Variants in KALRN observed in about 807,000 individuals in gnomAD.
The protein encoded by KALRN is kalirin.
A neutral mutation model predicts 353.7 loss-of-function variants in KALRN; 70 were observed. The observed-to-expected ratio is 0.20, with a 90% CI of 0.16 to 0.24. KALRN has a LOEUF of 0.24. KALRN is among the 10% of genes least tolerant of loss of function. The pLI, the probability that KALRN is intolerant of heterozygous loss-of-function variation, is 1.00. For missense variants in KALRN, 2,791 were observed against 3,756.7 expected, an observed-to-expected ratio of 0.74 and a Z score of 6.72; for synonymous variants, 1,391 against 1,434.8, an observed-to-expected ratio of 0.97 and a Z score of 0.69.
intron 1 of KALRN, chr3:124,152,197 C>T (rs1390651519): frequency 4.4e-6 from 7 of 1,577,332 alleles, no homozygotes; most frequent in African/African-American, 2.7e-5. Context: ...CAAAGCAATT[C>T]GCTTCTTATT....
At chr3:124,236,584 G>A (rs1030136325) in intron 3 of KALRN, among the ~76,000 whole-genome samples, 1 of 152,124 alleles carries the variant, frequency 6.6e-6, no homozygotes, top group Non-Finnish European at 1.5e-5. Flanking sequence ...TCTTTCCTGC[G>A]TGTTCATCAC....
At chr3:124,263,712 C>T (rs559426408) in intron 3 of KALRN, among the ~76,000 whole-genome samples, 1 of 152,274 alleles carries the variant, frequency 6.6e-6, no homozygotes, top group African/African-American at 2.4e-5. Flanking sequence ...GCAGAATCAA[C>T]ATAGAGCCTT....
At chr3:124,290,748 G>A (rs910737694) in intron 5 of KALRN, among the ~76,000 whole-genome samples, 6 of 152,206 alleles carry the variant, frequency 3.9e-5, no homozygotes, top group Non-Finnish European at 8.8e-5. Flanking sequence ...GGAGGATTAA[G>A]TGAGTTAATA....
intron 5 of KALRN, among the ~76,000 whole-genome samples, chr3:124,286,111 C>CTTTCTT (rs1186201446): frequency 6.8e-6 from 1 of 146,270 alleles, no homozygotes; most frequent in Non-Finnish European, 1.5e-5. Flanking sequence ...TTCTTTCTTT[C>CTTTCTT]TTTCTTTCTT....
In KALRN at chr3:124,055,454, T is replaced by A. The variant is rs2149177370; in HGVS notation, c.73+21641T>A. Reference sequence around the variant, plus strand: ...TTTCTAAGCTCTTACAGCTATTCACTCTATTCTATCTAGTTTGTTTTGAAG... The same window carrying A: ...TTTCTAAGCTCTTACAGCTATTCACACTATTCTATCTAGTTTGTTTTGAAG... On this transcript the variant is annotated intron_variant, in intron 1 of 59. Coordinates refer to ENST00000682506, the MANE Select transcript of KALRN (RefSeq NM_001388419.1). Among the ~76,000 whole-genome samples the A allele has an allele frequency of 2.0e-5, 3 of 152,350 alleles. No individual in the cohort carries two copies. In the Middle Eastern group the frequency reaches 0.01, roughly 518 times the overall value.
At chr3:124,513,420 G>A (rs1225017102) in intron 33 of KALRN, among the ~76,000 whole-genome samples, 1 of 152,064 alleles carries the variant, frequency 6.6e-6, no homozygotes, top group Non-Finnish European at 1.5e-5. Context: ...GGGGACACGG[G>A]GACCCAGGTC....
At position 124,555,804 on chromosome 3, in the gene KALRN, C is replaced by T. The variant is rs373125104; in HGVS notation, c.4936-7039C>T. On this transcript the variant is annotated intron_variant, in intron 33 of 59. Transcript: ENST00000682506. The stretch of plus-strand genomic sequence containing the variant: ...TGTGTGCCAGGCATTGCTCTAAACT[C>T]GGGAGATAGGACCATGAGCAAGACG... 1.7e-4 allele frequency among the ~76,000 whole-genome samples: 26 copies of T among 152,198 alleles called. No homozygotes were observed. The East Asian group carries it at 4.1e-3, about 24-fold the overall frequency.
intron 19 of KALRN, among the ~76,000 whole-genome samples, chr3:124,442,902 G>C (rs1325638777): frequency 6.6e-6 from 1 of 152,040 alleles, no homozygotes. Flanking sequence ...AGGCTCATTT[G>C]AGCCCAAGAG....
At chr3:124,466,404 C>T (rs1487169778) in intron 25 of KALRN, among the ~76,000 whole-genome samples, 1 of 152,120 alleles carries the variant, frequency 6.6e-6, no homozygotes, top group Non-Finnish European at 1.5e-5. Context: ...TAGTAGATCC[C>T]TAGACAGTAA....
At chr3:124,164,106 A>T (rs1248302128) in intron 1 of KALRN, 4 of 364,562 alleles carry the variant, frequency 1.1e-5, no homozygotes. Context: ...GACATCCTTT[A>T]CCTCTGTTTC....
chr3:124,413,376 G>A, intron 13 of KALRN, 94 bp from the exon 14 acceptor site: 4 of 1,003,144 alleles, frequency 4.0e-6, no homozygotes, highest in Non-Finnish European at 4.4e-6. Flanking sequence ...ACTGAGGGGT[G>A]GATTCATGAA....
rs148675941 is a variant in KALRN, at chr3:124,341,306, C to T, written c.1648-5837C>T. Reference sequence around the variant, plus strand: ...GCCTGGGCTCACCTGCGTTGTTATCCCTAGTGATGACATTCCTGAATGGGG... The same window carrying T: ...GCCTGGGCTCACCTGCGTTGTTATCTCTAGTGATGACATTCCTGAATGGGG... On this transcript the variant is annotated intron_variant, in intron 9 of 59. Transcript: ENST00000682506. 1.1e-4 allele frequency among the ~76,000 whole-genome samples: 16 copies of T among 152,290 alleles called. No individual in the cohort carries two copies. In the East Asian group the frequency reaches 3.1e-3, roughly 29 times the overall value.
At chr3:124,276,757 C>T (rs2074768113) in intron 5 of KALRN, among the ~76,000 whole-genome samples, 1 of 152,230 alleles carries the variant, frequency 6.6e-6, no homozygotes, top group African/African-American at 2.4e-5. Context: ...CACCCAAAAT[C>T]ATCCAGTCCA....
chr3:124,439,198 TCTCACACACACA>T (rs1483881673), intron 18 of KALRN, among the ~76,000 whole-genome samples, 161 bp downstream of exon 18: 1 of 125,530 alleles, frequency 8.0e-6, no homozygotes, highest in East Asian at 2.3e-4. Flanking sequence ...TCTCTCTCTC[TCTCACACACACA>T]CACACACACA....
chr3:124,592,525 G>A (rs9822400), intron 34 of KALRN, among the ~76,000 whole-genome samples: 3,439 of 151,970 alleles, frequency 0.023, 123 homozygotes, highest in African/African-American at 0.078. Flanking sequence ...CATTGGAAAC[G>A]TTTTTCTCTT....
At chr3:124,044,236 C>A (rs1239209544) in intron 1 of KALRN, among the ~76,000 whole-genome samples, 1 of 152,154 alleles carries the variant, frequency 6.6e-6, no homozygotes, top group African/African-American at 2.4e-5. Flanking sequence ...TGGTCTCACA[C>A]GACCCTCCAG....
chr3:124,677,983 G>A (rs770822324), intron 49 of KALRN, among the ~76,000 whole-genome samples: 6 of 152,182 alleles, frequency 3.9e-5, no homozygotes, highest in Non-Finnish European at 8.8e-5. Flanking sequence ...TCTACCAGGG[G>A]AGGTCAGAGT....
At chr3:124,673,173 T>C (rs886472821) in intron 48 of KALRN, among the ~76,000 whole-genome samples, 1 of 151,958 alleles carries the variant, frequency 6.6e-6, no homozygotes, top group Non-Finnish European at 1.5e-5. Context: ...TGGCTTGGGC[T>C]TAAGAGCTCA....
chr3:124,587,103 G>C (rs957234178), intron 34 of KALRN, among the ~76,000 whole-genome samples: 2 of 152,216 alleles, frequency 1.3e-5, no homozygotes, highest in Admixed American at 1.3e-4. Flanking sequence ...GGAGAGTCTT[G>C]AGGCTGTCTC....
Sources: allele counts gnomAD v4.1 joint callset (sites outside exome capture counted in the v4.1 genomes callset), GRCh38; gene constraint gnomAD v4.1.1; transcripts MANE v1.5; gene names NCBI Gene and HGNC (gene_info 2026-07-23, HGNC 2026-07-21).